The following RIPK1 variants were observed in gnomAD, a reference collection of about 807,000 sequenced individuals.
The protein encoded by RIPK1 is receptor interacting serine/threonine kinase 1.
A neutral mutation model predicts 62.4 loss-of-function variants in RIPK1; 27 were observed. That is an observed-to-expected ratio of 0.43 (90% CI 0.32 to 0.60). RIPK1 has a LOEUF of 0.60. RIPK1 is among the 20% of genes least tolerant of loss of function. RIPK1 has a pLI of 0.07. For synonymous variants in RIPK1, 287 were observed against 303.2 expected, an observed-to-expected ratio of 0.95 and a Z score of 0.55; for missense variants, 735 against 831.0, an observed-to-expected ratio of 0.88 and a Z score of 1.42.
intron 1 of RIPK1, among the ~76,000 whole-genome samples, chr6:3,073,802 G>C (rs1758900372): frequency 6.6e-6 from 1 of 152,040 alleles, no homozygotes; most frequent in Admixed American, 6.5e-5. Context: ...CTCTCCCCAA[G>C]GTATTTCTTT....
At chr6:3,084,974 G>GT (rs1414353418) in intron 5 of RIPK1, among the ~76,000 whole-genome samples, 1 of 152,190 alleles carries the variant, frequency 6.6e-6, no homozygotes, top group Non-Finnish European at 1.5e-5. Context: ...GGACTGCCCT[G>GT]TATTTGCTTT....
upstream of RIPK1, among the ~76,000 whole-genome samples, chr6:3,066,948 G>C (rs1243928243): frequency 2.7e-5 from 4 of 149,930 alleles, no homozygotes; most frequent in African/African-American, 9.8e-5. Context: ...TATCTCCGTA[G>C]TTTTTCCTTT....
At chr6:3,064,351 C>T (rs527236932), upstream of RIPK1, among the ~76,000 whole-genome samples, 106 of 152,350 alleles carry the variant, frequency 7.0e-4, no homozygotes, top group African/African-American at 2.5e-3. Context: ...TCCCCACCTG[C>T]CGGCCCTGTG....
intron 6 of RIPK1, among the ~76,000 whole-genome samples, chr6:3,087,757 T>TGTCGATCTC (rs1759799249): frequency 6.7e-6 from 1 of 149,606 alleles, no homozygotes; most frequent in African/African-American, 2.5e-5. Flanking sequence ...GCCAGGATGG[T>TGTCGATCTC]CTCCATCTCC....
intron 1 of RIPK1, among the ~76,000 whole-genome samples, chr6:3,071,906 A>G (rs1288896222): frequency 6.6e-6 from 1 of 152,238 alleles, no homozygotes; most frequent in African/African-American, 2.4e-5. Context: ...GACTCCTCAT[A>G]AAGTAGAAAC....
intron 7 of RIPK1, among the ~76,000 whole-genome samples, chr6:3,090,198 G>T (rs534987747): frequency 6.6e-6 from 1 of 152,090 alleles, no homozygotes; most frequent in Non-Finnish European, 1.5e-5. Flanking sequence ...AGCAGCATCT[G>T]CCCAAGACTG....
intron 7 of RIPK1, 50 bp from the exon 8 acceptor site, chr6:3,104,175 C>T (rs755727869): frequency 1.3e-6 from 1 of 773,406 alleles, no homozygotes; most frequent in South Asian, 1.7e-5. Flanking sequence ...TTTTCTGGGA[C>T]TCTATTTCCT....
rs1758495087 is a variant in RIPK1, at chr6:3,068,498, C to T, written c.-224C>T. ...GGGGGAGGAGGCAGCGCGAACAGTC[C>T]ACGCCCTCCAGCCGGGCGCGCTCGA... On this transcript the variant is annotated 5_prime_UTR_variant, in exon 1 of 11. Coordinates refer to ENST00000259808, the MANE Select transcript of RIPK1 (RefSeq NM_001354930.2). 1.0e-6 allele frequency: 1 copy of T among 985,294 alleles called. No homozygotes were observed. Among genetic ancestry groups the T allele is most frequent in the Non-Finnish European group, 1.2e-6 (1 of 829,846 alleles). The allele number at this position is 985,294 out of a possible 1,614,324, so 61.0% of individuals were successfully genotyped here. A position where few individuals can be genotyped will look rare whatever the true frequency, so the allele number is the denominator to read the frequency against.
chr6:3,076,408 C>G (rs1233355454), intron 1 of RIPK1, among the ~76,000 whole-genome samples: 1 of 152,006 alleles, frequency 6.6e-6, no homozygotes, highest in Non-Finnish European at 1.5e-5. Flanking sequence ...TGGCTCACAC[C>G]TGTAATCTCA....
chr6:3,077,105 A>C, intron 2 of RIPK1, 118 bp downstream of exon 2: 1 of 911,188 alleles, frequency 1.1e-6, no homozygotes, highest in South Asian at 1.9e-5. Flanking sequence ...GAGCCTGCCA[A>C]GATGTCAGGG....
At chr6:3,099,795 T>C (rs1760503311) in intron 7 of RIPK1, among the ~76,000 whole-genome samples, 1 of 152,170 alleles carries the variant, frequency 6.6e-6, no homozygotes, top group Non-Finnish European at 1.5e-5. Context: ...GCGAAGTTTA[T>C]TAGAAGGTGA....
chr6:3,104,082 A>G, intron 7 of RIPK1, 143 bp from the exon 8 acceptor site: 1 of 558,842 alleles, frequency 1.8e-6, no homozygotes, highest in East Asian at 2.9e-5. Context: ...TATTTGGGAA[A>G]AACATTAATT....
Position 3,113,348 on chromosome 6 carries a change from G to A in RIPK1, c.*9G>A. On this transcript the variant is annotated 3_prime_UTR_variant, in exon 11 of 11. Coordinates refer to ENST00000259808, the MANE Select transcript of RIPK1 (RefSeq NM_001354930.2). The surrounding 1 kb of genome is among the most constrained non-coding windows in gnomAD (Gnocchi z 5.0). ...ACGTCAGCCAGAACTAACCCTGGATGGGCTACGGCAGCTGAAGTGGACGCC... is the reference window on the plus strand; with the variant it reads ...ACGTCAGCCAGAACTAACCCTGGATAGGCTACGGCAGCTGAAGTGGACGCC... 2 of 1,607,892 alleles carry A rather than the reference G, an allele frequency of 1.2e-6. No individual in the cohort carries two copies. The highest frequency in any genetic ancestry group is 2.2e-5 in the South Asian group (2 of 90,886).
chr6:3,069,119 C>T (rs550683150), intron 1 of RIPK1, among the ~76,000 whole-genome samples: 1 of 152,148 alleles, frequency 6.6e-6, no homozygotes, highest in African/African-American at 2.4e-5. Flanking sequence ...GCGGTTACCG[C>T]GTGAGGGTGG....
intron 9 of RIPK1, among the ~76,000 whole-genome samples, chr6:3,106,253 A>G (rs554914033): frequency 1.9e-4 from 29 of 152,334 alleles, no homozygotes; most frequent in African/African-American, 6.5e-4. Flanking sequence ...GATTCATCAC[A>G]GATGCCCGCA....
chr6:3,077,492 C>CT (rs1759134881), intron 2 of RIPK1, among the ~76,000 whole-genome samples: 1 of 150,668 alleles, frequency 6.6e-6, no homozygotes, highest in Admixed American at 6.6e-5. Flanking sequence ...CCAGCACGGT[C>CT]TTTTTTCAGG....
intron 7 of RIPK1, among the ~76,000 whole-genome samples, chr6:3,095,906 G>A (rs529220649): frequency 2.1e-4 from 31 of 149,960 alleles, no homozygotes; most frequent in Non-Finnish European, 2.8e-4. Flanking sequence ...GTGCAGTGGC[G>A]TGATCACGGC....
chr6:3,104,294 C>A lies in RIPK1; in HGVS notation c.985C>A (p.Pro329Thr). The A allele has an allele frequency of 6.3e-7, 1 of 1,594,296 alleles. No individual in the cohort carries two copies. The highest frequency in any genetic ancestry group is 1.7e-4 in the Middle Eastern group (1 of 6,014). ...TCTTCAACTTGATTGTGTGGCAGTA[C>A]CTTCAAGCCGGTCAAATTCAGGTAA... The part of the protein sequence containing the change: ...QSLQLDCVAV[P>T]SSRSNSATEQ... The change falls in exon 8 of 11, where the codon CCT becomes ACT. Residue 329 changes from proline to threonine, a missense_variant. Physicochemically the swap from Pro to Thr is conservative, Grantham distance 38 (BLOSUM62 -1). Transcript: ENST00000259808.
At chr6:3,094,556 A>G (rs1220891594) in intron 7 of RIPK1, among the ~76,000 whole-genome samples, 2 of 148,372 alleles carry the variant, frequency 1.3e-5, no homozygotes, top group South Asian at 2.1e-4. Flanking sequence ...AGTACTTAAT[A>G]TAACCTTAAA....
Sources: allele counts gnomAD v4.1 joint callset (sites outside exome capture counted in the v4.1 genomes callset), GRCh38; gene constraint gnomAD v4.1.1; non-coding constraint Gnocchi (gnomAD v3.1); transcripts MANE v1.5; gene names NCBI Gene and HGNC (gene_info 2026-07-23, HGNC 2026-07-21).